MSRA: variants seen among roughly 807,000 people sequenced by gnomAD.
The protein encoded by MSRA is methionine sulfoxide reductase A, also known as mitochondrial peptide methionine sulfoxide reductase.
Under a neutral mutation model 31.3 loss-of-function variants are expected in MSRA, and 54 were observed. The ratio of observed to expected loss-of-function variants is 1.73; its 90% CI spans 1.39 to 2.17. The LOEUF (loss-of-function observed/expected upper bound fraction) is 2.17, where lower values mean the gene tolerates loss of function less well. Ranked by LOEUF, MSRA falls within the 30% of genes most tolerant of loss-of-function variation. MSRA has a pLI of 0.00. For missense variants in MSRA, 507 were observed against 300.9 expected (o/e 1.69, Z -5.07); for synonymous variants, 169 against 116.5 (o/e 1.45, Z -2.90).
At chr8:10,173,892 G>A (rs543229637) in intron 1 of MSRA, among the ~76,000 whole-genome samples, 3 of 152,298 alleles carry the variant, frequency 2.0e-5, no homozygotes, top group East Asian at 3.9e-4. Context: ...TGGACTGCAC[G>A]GAAGACTGAG....
intron 1 of MSRA, among the ~76,000 whole-genome samples, chr8:10,077,676 C>A (rs1217837587): frequency 6.6e-6 from 1 of 151,820 alleles, no homozygotes; most frequent in Non-Finnish European, 1.5e-5. Context: ...TCTCAGCCTC[C>A]CTCACTCTTC....
At chr8:10,147,146 T>C (rs1803216496) in intron 1 of MSRA, among the ~76,000 whole-genome samples, 1 of 152,084 alleles carries the variant, frequency 6.6e-6, no homozygotes, top group African/African-American at 2.4e-5. Context: ...TGTCTGGATG[T>C]GGCACGAGTG....
At chr8:10,119,061 G>A (rs1180593530) in intron 1 of MSRA, among the ~76,000 whole-genome samples, 1 of 152,194 alleles carries the variant, frequency 6.6e-6, no homozygotes, top group East Asian at 1.9e-4. Flanking sequence ...TCCCCTGTGA[G>A]CAGGATGGAT....
intron 1 of MSRA, among the ~76,000 whole-genome samples, chr8:10,074,610 C>G (rs546838561): frequency 1.3e-5 from 2 of 152,246 alleles, no homozygotes; most frequent in African/African-American, 4.8e-5. Flanking sequence ...CTTGCTTGAT[C>G]TCTCCCCAGA....
chr8:10,202,323 A>G (rs1272748856), intron 1 of MSRA, among the ~76,000 whole-genome samples: 1 of 152,200 alleles, frequency 6.6e-6, no homozygotes, highest in Non-Finnish European at 1.5e-5. Flanking sequence ...TCTTGGTTGT[A>G]AAGAACTTGC....
intron 3 of MSRA, among the ~76,000 whole-genome samples, chr8:10,283,524 T>C (rs1799747244): frequency 6.6e-6 from 1 of 151,850 alleles, no homozygotes; most frequent in Non-Finnish European, 1.5e-5. Context: ...TTGTGAGATT[T>C]TGTTGCACCC....
At chr8:10,110,157 T>C (rs1249958746) in intron 1 of MSRA, among the ~76,000 whole-genome samples, 12 of 152,202 alleles carry the variant, frequency 7.9e-5, no homozygotes, top group Non-Finnish European at 1.5e-5. Context: ...ATCTGGATTC[T>C]TTGTCCACGC....
chr8:10,086,153 G>A (rs1798548920), intron 1 of MSRA, among the ~76,000 whole-genome samples: 1 of 152,166 alleles, frequency 6.6e-6, no homozygotes, highest in South Asian at 2.1e-4. Context: ...ATTCCCAGCA[G>A]CAATGTATGA....
chr8:10,403,800 G>C lies in MSRA; in HGVS notation c.544-24348G>C, dbSNP rs553210575. Among the ~76,000 whole-genome samples the C allele has an allele frequency of 1.1e-4, 16 of 152,336 alleles. No individual in the cohort carries two copies. The South Asian group carries it at 3.3e-3, about 32-fold the overall frequency. The stretch of plus-strand genomic sequence containing the variant: ...GGCAGACGGGCGGGACGTGAGTCCT[G>C]GCTCTGCATGCCCAGGCCGTGTGTC... On this transcript the variant is annotated intron_variant, in intron 5 of 5. Coordinates refer to ENST00000317173, the MANE Select transcript of MSRA (RefSeq NM_012331.5).
chr8:10,233,277 C>T (rs1811647921), intron 2 of MSRA, among the ~76,000 whole-genome samples: 1 of 152,146 alleles, frequency 6.6e-6, no homozygotes, highest in South Asian at 2.1e-4. Context: ...TTGCCTTCTG[C>T]CCAAGGTGAC....
intron 3 of MSRA, among the ~76,000 whole-genome samples, chr8:10,285,652 C>G (rs143151493): frequency 2.0e-5 from 3 of 151,850 alleles, no homozygotes; most frequent in African/African-American, 2.4e-5. Flanking sequence ...CCCCTTCCCC[C>G]CACTCCTTCC....
chr8:10,093,177 A>G (rs1225561792), intron 1 of MSRA, among the ~76,000 whole-genome samples: 4 of 152,144 alleles, frequency 2.6e-5, no homozygotes, highest in African/African-American at 9.6e-5. Flanking sequence ...TGTTTAATTC[A>G]TTTAAGTTTA....
At chr8:10,390,179 C>A (rs562374898) in intron 5 of MSRA, among the ~76,000 whole-genome samples, 1 of 152,320 alleles carries the variant, frequency 6.6e-6, no homozygotes, top group East Asian at 1.9e-4. Flanking sequence ...GGGGAGTGCT[C>A]GGCACCTATA....
At chr8:10,198,204 C>A (rs74339810) in intron 1 of MSRA, among the ~76,000 whole-genome samples, 2,972 of 152,054 alleles carry the variant, frequency 0.02, 96 homozygotes, top group African/African-American at 0.068. Context: ...AAGAAGGAAG[C>A]AAAATCACCC....
intron 5 of MSRA, among the ~76,000 whole-genome samples, chr8:10,338,900 G>T (rs1803231797): frequency 6.6e-6 from 1 of 152,178 alleles, no homozygotes; most frequent in Non-Finnish European, 1.5e-5. Flanking sequence ...GCGGGCAAAG[G>T]TTATAATCCA....
chr8:10,236,644 A>C (rs1422843018), intron 2 of MSRA, among the ~76,000 whole-genome samples: 1 of 152,186 alleles, frequency 6.6e-6, no homozygotes, highest in Non-Finnish European at 1.5e-5. Context: ...TCCTGAGTTC[A>C]AGCGATTCTC....
At chr8:10,164,671 C>T (rs987648673) in intron 1 of MSRA, among the ~76,000 whole-genome samples, 1 of 152,070 alleles carries the variant, frequency 6.6e-6, no homozygotes, top group Admixed American at 6.5e-5. Flanking sequence ...ATGCCTAGGA[C>T]GTAGAAGGAC....
chr8:10,105,942 C>T (rs1172151038), intron 1 of MSRA, among the ~76,000 whole-genome samples: 6 of 152,164 alleles, frequency 3.9e-5, no homozygotes, highest in Non-Finnish European at 8.8e-5. Flanking sequence ...TTTTAGGCAG[C>T]ACTCCCTCTT....
chr8:10,339,745 G>A (rs1803298642), intron 5 of MSRA, among the ~76,000 whole-genome samples: 1 of 151,054 alleles, frequency 6.6e-6, no homozygotes, highest in African/African-American at 2.4e-5. Flanking sequence ...GTTTCACCGT[G>A]TTAGCCAGGC....
Sources: gnomAD v4.1 joint callset for allele counts (sites outside exome capture counted in the v4.1 genomes callset) on GRCh38, gnomAD v4.1.1 for gene constraint, MANE v1.5 for transcripts, NCBI Gene and HGNC (gene_info 2026-07-23, HGNC 2026-07-21) for gene names.